Variants in RIN3 observed in about 807,000 individuals in gnomAD.
RIN3 encodes RAB5 interacting protein 3.
RIN3 carries 54 observed loss-of-function variants against 76.3 expected under a neutral mutation model. The observed-to-expected ratio is 0.71, with a 90% CI of 0.57 to 0.89. The LOEUF (loss-of-function observed/expected upper bound fraction) is 0.89. Ranked by LOEUF, RIN3 falls within the 40% of genes least tolerant of loss-of-function variation. The probability of loss-of-function intolerance (pLI) is 0.00; values close to 1 mark genes in which losing one functional copy is unlikely to be tolerated. For missense variants in RIN3, 1,256 were observed against 1,322.1 expected (o/e 0.95, Z 0.78); for synonymous variants, 576 against 564.0 (o/e 1.02, Z -0.30).
intron 1 of RIN3, among the ~76,000 whole-genome samples, chr14:92,534,398 G>GGTGAAACCCCGTCTCTACTAAAA (rs1384191840): frequency 5.3e-5 from 8 of 151,778 alleles, no homozygotes. Flanking sequence ...TGGCCATCAC[G>GGTGAAACCCCGTCTCTACTAAAA]GTGAAACCCC....
intron 7 of RIN3, among the ~76,000 whole-genome samples, chr14:92,675,387 T>C (rs984952669): frequency 6.6e-6 from 1 of 152,242 alleles, no homozygotes; most frequent in African/African-American, 2.4e-5. Flanking sequence ...AAACACACTT[T>C]TTGCAAGAGC....
At chr14:92,630,772 C>A (rs1406622580) in intron 4 of RIN3, among the ~76,000 whole-genome samples, 1 of 152,182 alleles carries the variant, frequency 6.6e-6, no homozygotes, top group South Asian at 2.1e-4. Flanking sequence ...GCTCCCAGGC[C>A]TGAGTTTGTG....
At chr14:92,531,096 A>G (rs1457184644) in intron 1 of RIN3, among the ~76,000 whole-genome samples, 5 of 152,036 alleles carry the variant, frequency 3.3e-5, no homozygotes, top group Non-Finnish European at 5.9e-5. Flanking sequence ...CCCAAAGTAA[A>G]TTCACCAGTG....
chr14:92,538,771 A>T (rs572691682), intron 1 of RIN3, among the ~76,000 whole-genome samples: 1 of 152,278 alleles, frequency 6.6e-6, no homozygotes, highest in African/African-American at 2.4e-5. Flanking sequence ...CAAAGTTTCA[A>T]GTTGTTTTAA....
Position 92,681,758 on chromosome 14 carries a change from T to C in RIN3, c.2468-3229T>C, listed in dbSNP as rs1214957270. Among the ~76,000 whole-genome samples, 1 of 152,244 alleles carries C rather than the reference T, an allele frequency of 6.6e-6. No individual in the cohort carries two copies. The highest frequency in any genetic ancestry group is 1.5e-5 in the Non-Finnish European group (1 of 68,038). ...GGGCACCAGAGCCGACTTCCTGGCC[T>C]GGGGCTTTAAACCTAACTTAAAATG... On this transcript the variant is annotated intron_variant, in intron 8 of 9. Coordinates refer to ENST00000216487, the MANE Select transcript of RIN3 (RefSeq NM_024832.5). The surrounding 1 kb of genome is among the most constrained non-coding windows in gnomAD (Gnocchi z 4.7).
intron 1 of RIN3, among the ~76,000 whole-genome samples, chr14:92,520,202 T>C (rs2139991644): frequency 6.6e-6 from 1 of 152,346 alleles, no homozygotes; most frequent in Admixed American, 6.5e-5. Context: ...GCCTAGGCCG[T>C]GGTTGTGGTC....
At chr14:92,664,285 T>C (rs1887990725) in intron 7 of RIN3, among the ~76,000 whole-genome samples, 1 of 152,034 alleles carries the variant, frequency 6.6e-6, no homozygotes, top group African/African-American at 2.4e-5. Context: ...ACTCTAAGAA[T>C]GGAAACAGGA....
At position 92,602,838 on chromosome 14, in the gene RIN3, C is replaced by T. The variant is rs987402595; in HGVS notation, c.368-12569C>T. On this transcript the variant is annotated intron_variant, in intron 3 of 9. Coordinates refer to ENST00000216487, the MANE Select transcript of RIN3 (RefSeq NM_024832.5). ...CCCCTCTCTCAAGCTGATGATGTGC[C>T]ACCTCTGGACCTCAGTTTCCCCATC... Among the ~76,000 whole-genome samples, 8 of 152,240 alleles carry T rather than the reference C, an allele frequency of 5.3e-5. No individual in the cohort carries two copies. In the East Asian group the frequency reaches 1.4e-3, roughly 26 times the overall value.
chr14:92,654,262 C>T (rs1229187554), intron 6 of RIN3, among the ~76,000 whole-genome samples: 1 of 151,214 alleles, frequency 6.6e-6, no homozygotes, highest in Admixed American at 6.6e-5. Flanking sequence ...TGCAGTGAGC[C>T]GAGATTGTGC....
At chr14:92,586,369 T>A (rs1010712184) in intron 3 of RIN3, 4 of 152,258 alleles carry the variant, frequency 2.6e-5, no homozygotes, top group East Asian at 3.8e-4. Context: ...TGTTGATTCG[T>A]TCTTCTTATC....
At chr14:92,548,702 A>G (rs1029814570) in intron 1 of RIN3, among the ~76,000 whole-genome samples, 1 of 152,102 alleles carries the variant, frequency 6.6e-6, no homozygotes, top group Non-Finnish European at 1.5e-5. Flanking sequence ...TTTCCTTCTT[A>G]TAGGGACACC....
chr14:92,524,417 TG>T, intron 1 of RIN3, among the ~76,000 whole-genome samples: 1 of 152,334 alleles, frequency 6.6e-6, no homozygotes, highest in Non-Finnish European at 1.5e-5. Flanking sequence ...TGCCTAGCCT[TG>T]GGAAAGGTTT....
In RIN3 at chr14:92,579,030, C is replaced by T. The variant is rs1135552; in HGVS notation, c.367+1553C>T. On this transcript the variant is annotated intron_variant, in intron 3 of 9. Transcript: ENST00000216487. ...GCAACCTCCGCCTCCCGGGTTCAAG[C>T]GATTCTCCTGCCTCAGCCTCCCGAG... Among the ~76,000 whole-genome samples, 439 of 152,056 alleles carry T rather than the reference C, an allele frequency of 2.9e-3. 2 individuals carry two copies. Among genetic ancestry groups the T allele is most frequent in the Non-Finnish European group, 5.0e-3 (342 of 67,982 alleles).
chr14:92,616,227 T>C (rs1470171969), intron 4 of RIN3, among the ~76,000 whole-genome samples: 3 of 151,974 alleles, frequency 2.0e-5, no homozygotes, highest in African/African-American at 7.3e-5. Flanking sequence ...TTGGACAAAA[T>C]GCACAAAGCA....
chr14:92,544,414 T>TGGGGGGGGGGGGGGG (rs71123353), intron 1 of RIN3, among the ~76,000 whole-genome samples: 26 of 74,554 alleles, frequency 3.5e-4, no homozygotes, highest in South Asian at 5.4e-4. Flanking sequence ...GTGACAGCTG[T>TGGGGGGGGGGGGGGG]GGGGGGGGGG....
intron 5 of RIN3, 107 bp downstream of exon 5, chr14:92,641,436 C>A: frequency 9.1e-6 from 7 of 767,482 alleles, no homozygotes; most frequent in Non-Finnish European, 1.6e-5. Context: ...AGTCCCAGCT[C>A]CCATGGGACC....
intron 7 of RIN3, among the ~76,000 whole-genome samples, chr14:92,664,641 A>G (rs1427953396): frequency 6.6e-6 from 1 of 151,880 alleles, no homozygotes; most frequent in Non-Finnish European, 1.5e-5. Flanking sequence ...AAGTGCTGGG[A>G]TTACAGCAGT....
At chr14:92,641,584 C>T (rs1239110646) in intron 5 of RIN3, among the ~76,000 whole-genome samples, 2 of 152,208 alleles carry the variant, frequency 1.3e-5, no homozygotes, top group Non-Finnish European at 2.9e-5. Flanking sequence ...CTGGTCAGGA[C>T]CAGAGAGGCT....
chr14:92,589,689 C>A (rs887894584), intron 3 of RIN3, among the ~76,000 whole-genome samples: 1 of 152,154 alleles, frequency 6.6e-6, no homozygotes, highest in African/African-American at 2.4e-5. Flanking sequence ...AAACTTTGTG[C>A]AATAATAGTG....
Sources: allele counts gnomAD v4.1 joint callset (sites outside exome capture counted in the v4.1 genomes callset), GRCh38; gene constraint gnomAD v4.1.1; non-coding constraint Gnocchi (gnomAD v3.1); transcripts MANE v1.5; gene names NCBI Gene and HGNC (gene_info 2026-07-23, HGNC 2026-07-21).